The following C1orf105 variants were observed in gnomAD, a reference collection of about 807,000 sequenced individuals.
The protein encoded by C1orf105 is uncharacterized protein C1orf105.
C1orf105 carries 17 observed loss-of-function variants against 20.8 expected under a neutral mutation model. The observed-to-expected ratio is 0.82, with a 90% CI of 0.56 to 1.23. The LOEUF (loss-of-function observed/expected upper bound fraction) is 1.23. Among genes scored for constraint, C1orf105 ranks in the 50% most tolerant of loss-of-function variants. The pLI is 0.00. For missense variants in C1orf105, 219 were observed against 213.5 expected (o/e 1.03, Z -0.16); for synonymous variants, 72 against 72.1 (o/e 1.00, Z 0.01).
chr1:172,424,734 A>G (rs986737528), intron 1 of C1orf105, among the ~76,000 whole-genome samples: 2 of 152,200 alleles, frequency 1.3e-5, no homozygotes, highest in African/African-American at 4.8e-5. Context: ...GGCAATGGAG[A>G]GCAAGTTAGA....
chr1:172,456,349 C>A (rs1022996164), intron 3 of C1orf105, 66 bp from the exon 4 acceptor site: 1 of 1,394,756 alleles, frequency 7.2e-7, no homozygotes, highest in African/African-American at 1.4e-5. Flanking sequence ...CACTGCTTTC[C>A]TACATCTTTG....
At chr1:172,433,416 C>A (rs926624185) in intron 1 of C1orf105, among the ~76,000 whole-genome samples, 1 of 152,140 alleles carries the variant, frequency 6.6e-6, no homozygotes, top group African/African-American at 2.4e-5. Flanking sequence ...CAGCAGAAAC[C>A]CTACAAGCCA....
intron 1 of C1orf105, among the ~76,000 whole-genome samples, chr1:172,427,263 T>G (rs1309945099): frequency 6.6e-6 from 1 of 152,202 alleles, no homozygotes; most frequent in African/African-American, 2.4e-5. Context: ...TACTCTGTCT[T>G]CTCACTTGTT....
intron 1 of C1orf105, chr1:172,444,036 T>C: frequency 1.0e-6 from 1 of 999,962 alleles, no homozygotes; most frequent in African/African-American, 1.7e-5. Flanking sequence ...CACCCAGCCT[T>C]TTTCCCGCTT....
intron 1 of C1orf105, among the ~76,000 whole-genome samples, chr1:172,444,468 C>A (rs899115600): frequency 1.3e-5 from 2 of 152,216 alleles, no homozygotes; most frequent in African/African-American, 4.8e-5. Flanking sequence ...GCTCATGATA[C>A]AGCCGTGAAT....
In C1orf105 at chr1:172,422,817, G is replaced by A. The variant is rs190960456; in HGVS notation, c.21+1911G>A. On this transcript the variant is annotated intron_variant, in intron 1 of 6. Transcript: ENST00000367727. ...ACACATGCTGGCAGAAGAGCCCTTGGGCCTTAAGTGAACATTGGCAGTATC... is the reference window on the plus strand; with the variant it reads ...ACACATGCTGGCAGAAGAGCCCTTGAGCCTTAAGTGAACATTGGCAGTATC... Among the ~76,000 whole-genome samples, 318 of 152,084 alleles carry A rather than the reference G, an allele frequency of 2.1e-3. 2 individuals are homozygous for A. Among genetic ancestry groups the A allele is most frequent in the South Asian group, 0.016 (77 of 4,816 alleles).
intron 2 of C1orf105, 29 bp downstream of exon 2, chr1:172,445,187 T>C: frequency 4.5e-6 from 7 of 1,541,028 alleles, no homozygotes; most frequent in Non-Finnish European, 6.2e-6. Context: ...AGGGCAAAAG[T>C]TTTACGAAAC....
At chr1:172,439,803 C>G (rs531737426) in intron 1 of C1orf105, among the ~76,000 whole-genome samples, 1 of 152,328 alleles carries the variant, frequency 6.6e-6, no homozygotes, top group South Asian at 2.1e-4. Flanking sequence ...GAACTCTTTA[C>G]TATCTTCAAC....
intron 2 of C1orf105, 62 bp downstream of exon 2, chr1:172,445,220 C>A: frequency 7.5e-7 from 1 of 1,331,870 alleles, no homozygotes; most frequent in South Asian, 1.2e-5. Context: ...ATGATTTCTT[C>A]TTAAGGGATG....
At chr1:172,430,711 G>C (rs890313247) in intron 1 of C1orf105, among the ~76,000 whole-genome samples, 1 of 152,160 alleles carries the variant, frequency 6.6e-6, no homozygotes, top group African/African-American at 2.4e-5. Context: ...AAAGTGCTGA[G>C]ATTGCAGGTG....
At position 172,451,867 on chromosome 1, in the gene C1orf105, C is replaced by CTTTTTTTTTTTTTTT. The variant is rs11462736; in HGVS notation, c.198+3344_198+3358dup. 4.7e-5 allele frequency among the ~76,000 whole-genome samples: 4 copies of CTTTTTTTTTTTTTTT among 85,190 alleles called. 1 individual carries two copies. The highest frequency in any genetic ancestry group is 4.2e-5 in the Non-Finnish European group (2 of 48,126). 55.9% of individuals were successfully genotyped at this position (85,190 alleles called of 152,430 possible). ...AAATAATTCTGCCTTTATATGGATT[C>CTTTTTTTTTTTTTTT]TTTTTTTTTTTTTTTTTTTTTTGAG... On this transcript the variant is annotated intron_variant, in intron 3 of 6. Coordinates refer to ENST00000367727, the MANE Select transcript of C1orf105 (RefSeq NM_139240.4).
chr1:172,461,679 TAAAC>T (rs1325142474), intron 4 of C1orf105, among the ~76,000 whole-genome samples: 5 of 152,312 alleles, frequency 3.3e-5, no homozygotes, highest in South Asian at 2.1e-4. Flanking sequence ...AAATATTTCT[TAAAC>T]AGACATCGTG....
At chr1:172,468,311 A>T in intron 6 of C1orf105, 138 bp from the exon 7 acceptor site, 1 of 650,200 alleles carries the variant, frequency 1.5e-6, no homozygotes, top group South Asian at 5.9e-5. Flanking sequence ...TGGATTTGAA[A>T]ATCAAATTAT....
At chr1:172,429,187 C>T (rs2071799179) in intron 1 of C1orf105, among the ~76,000 whole-genome samples, 1 of 152,038 alleles carries the variant, frequency 6.6e-6, no homozygotes, top group Non-Finnish European at 1.5e-5. Flanking sequence ...GAAATAAAAC[C>T]TCTTACAGGA....
At chr1:172,445,704 T>G (rs1295584432) in intron 2 of C1orf105, among the ~76,000 whole-genome samples, 1 of 152,196 alleles carries the variant, frequency 6.6e-6, no homozygotes, top group Non-Finnish European at 1.5e-5. Context: ...TGGGTTACCG[T>G]GTCCCTTCTC....
chr1:172,456,230 C>A lies in C1orf105; in HGVS notation c.199-185C>A, dbSNP rs41395651. Among the ~76,000 whole-genome samples, 1,198 of 152,284 alleles carry A rather than the reference C, an allele frequency of 7.9e-3. 23 individuals are homozygous for A. Among genetic ancestry groups the A allele is most frequent in the African/African-American group, 0.027 (1,137 of 41,542 alleles). On this transcript the variant is annotated intron_variant, in intron 3 of 6. Coordinates refer to ENST00000367727, the MANE Select transcript of C1orf105 (RefSeq NM_139240.4). ...TCCCTCCTGCCTAAACTCTCGGTAC[C>A]TACCAGCTGCAGCACACTCCAGATT...
chr1:172,448,970 G>A (rs1328946052), intron 3 of C1orf105, among the ~76,000 whole-genome samples: 3 of 152,100 alleles, frequency 2.0e-5, no homozygotes, highest in South Asian at 2.1e-4. Context: ...GGTGACCCTC[G>A]GTGTCACTGT....
At chr1:172,450,733 G>T (rs908143711) in intron 3 of C1orf105, among the ~76,000 whole-genome samples, 2 of 152,184 alleles carry the variant, frequency 1.3e-5, no homozygotes, top group Admixed American at 1.3e-4. Context: ...GAGCAGCCCC[G>T]TGCCTGAGGC....
At chr1:172,437,034 T>G (rs1649737177) in intron 1 of C1orf105, among the ~76,000 whole-genome samples, 1 of 152,102 alleles carries the variant, frequency 6.6e-6, no homozygotes, top group Non-Finnish European at 1.5e-5. Flanking sequence ...AAAATCACAA[T>G]GAGATACCAT....
Sources: gnomAD v4.1 joint callset for allele counts (sites outside exome capture counted in the v4.1 genomes callset) on GRCh38, gnomAD v4.1.1 for gene constraint, MANE v1.5 for transcripts, NCBI Gene and HGNC (gene_info 2026-07-23, HGNC 2026-07-21) for gene names.